Variants in RSRC1 observed in about 807,000 individuals in gnomAD.
The protein encoded by RSRC1 is serine/Arginine-related protein 53.
RSRC1 carries 39 observed loss-of-function variants against 49.1 expected under a neutral mutation model. That is an observed-to-expected ratio of 0.79 (90% CI 0.61 to 1.04). RSRC1 has a LOEUF of 1.04. Ranked by LOEUF, RSRC1 falls within the 50% of genes least tolerant of loss-of-function variation. The probability of loss-of-function intolerance (pLI) is 0.00; values close to 1 mark genes in which losing one functional copy is unlikely to be tolerated. For synonymous variants in RSRC1, 143 were observed against 130.8 expected, an observed-to-expected ratio of 1.09 and a Z score of -0.63; for missense variants, 388 against 402.4, an observed-to-expected ratio of 0.96 and a Z score of 0.31.
At position 158,319,851 on chromosome 3, in the gene RSRC1, T is replaced by G. The variant is rs141692897; in HGVS notation, c.531+21776T>G. On this transcript the variant is annotated intron_variant, in intron 5 of 9. Coordinates refer to ENST00000611884, the MANE Select transcript of RSRC1 (RefSeq NM_001271838.2). ...GGTTTTTTAAGGAAAAGTATCTCTA[T>G]TCTATGAATTACCTGATCAGACAAC... Among the ~76,000 whole-genome samples the G allele has an allele frequency of 2.1e-3, 315 of 152,322 alleles. 2 individuals carry two copies. Among genetic ancestry groups the G allele is most frequent in the African/African-American group, 7.1e-3 (296 of 41,590 alleles).
At chr3:158,542,972 T>C (rs996490676) in intron 8 of RSRC1, among the ~76,000 whole-genome samples, 2 of 152,164 alleles carry the variant, frequency 1.3e-5, no homozygotes, top group Non-Finnish European at 2.9e-5. Context: ...TATATTTCAA[T>C]AGTATAGGCA....
chr3:158,535,512 A>G (rs1478911617), intron 7 of RSRC1, among the ~76,000 whole-genome samples: 1 of 95,956 alleles, frequency 1.0e-5, no homozygotes, highest in Non-Finnish European at 2.2e-5. Flanking sequence ...AGCATTGACA[A>G]TTCAGTAACA....
At chr3:158,241,981 G>A (rs1195054852) in intron 4 of RSRC1, among the ~76,000 whole-genome samples, 1 of 111,128 alleles carries the variant, frequency 9.0e-6, no homozygotes, top group Non-Finnish European at 1.8e-5. Context: ...TGATATGAAT[G>A]TTTCTATCAT....
At chr3:158,133,803 A>T (rs1354222901) in intron 3 of RSRC1, among the ~76,000 whole-genome samples, 1 of 152,216 alleles carries the variant, frequency 6.6e-6, no homozygotes, top group Non-Finnish European at 1.5e-5. Flanking sequence ...CAGTCTGGGG[A>T]ATAGAATGGA....
chr3:158,344,220 T>C (rs1730422271), intron 5 of RSRC1, among the ~76,000 whole-genome samples: 1 of 152,078 alleles, frequency 6.6e-6, no homozygotes, highest in African/African-American at 2.4e-5. Flanking sequence ...GATAGTGCCA[T>C]TGCACTTCAG....
intron 5 of RSRC1, among the ~76,000 whole-genome samples, chr3:158,301,155 C>T (rs1332222842): frequency 1.3e-5 from 2 of 152,014 alleles, no homozygotes; most frequent in Non-Finnish European, 2.9e-5. Context: ...TCATTCTCCT[C>T]AGCTTAATTT....
intron 3 of RSRC1, among the ~76,000 whole-genome samples, chr3:158,189,718 G>A (rs864859): frequency 0.58 from 87,871 of 151,658 alleles, 25,754 homozygotes; most frequent in East Asian, 0.73. Context: ...GTATTATTTA[G>A]TCCATTTATA....
chr3:158,415,396 T>C (rs376399478), intron 6 of RSRC1, among the ~76,000 whole-genome samples: 2 of 152,078 alleles, frequency 1.3e-5, no homozygotes, highest in East Asian at 3.9e-4. Flanking sequence ...GTACTGTTAC[T>C]GTTTGCCTTT....
intron 6 of RSRC1, among the ~76,000 whole-genome samples, chr3:158,384,010 A>G (rs1455335148): frequency 6.6e-6 from 1 of 152,080 alleles, no homozygotes; most frequent in Non-Finnish European, 1.5e-5. Flanking sequence ...ATTATATTTT[A>G]TATATTTTAG....
At chr3:158,199,416 T>C (rs547754930) in intron 3 of RSRC1, among the ~76,000 whole-genome samples, 1 of 152,162 alleles carries the variant, frequency 6.6e-6, no homozygotes, top group African/African-American at 2.4e-5. Flanking sequence ...TTGTATTTGC[T>C]CTTTTTCTTT....
At position 158,111,300 on chromosome 3, in the gene RSRC1, T is replaced by C. The variant is rs138569969; in HGVS notation, c.-3+1077T>C. Among the ~76,000 whole-genome samples, 33 of 152,350 alleles carry C rather than the reference T, an allele frequency of 2.2e-4. 1 individual carries two copies. In the East Asian group the frequency reaches 3.3e-3, roughly 15 times the overall value. ...TCATGCTAAGTGATATAACACTTTA[T>C]GTTTTTCAATAAGAGGGCTAAAAAT... On this transcript the variant is annotated intron_variant, in intron 1 of 9. Coordinates refer to ENST00000611884, the MANE Select transcript of RSRC1 (RefSeq NM_001271838.2).
At chr3:158,341,119 G>A (rs1730211873) in intron 5 of RSRC1, among the ~76,000 whole-genome samples, 1 of 152,082 alleles carries the variant, frequency 6.6e-6, no homozygotes, top group African/African-American at 2.4e-5. Flanking sequence ...GAGAAACAGA[G>A]CATAAAAGTT....
rs1729979947 is a variant in RSRC1, at chr3:158,337,452, C to T, written c.532-17405C>T. 2.6e-5 allele frequency among the ~76,000 whole-genome samples: 4 copies of T among 152,194 alleles called. No individual in the cohort carries two copies. The South Asian group carries it at 8.3e-4, about 32-fold the overall frequency. ...GCTGCTCTGAAATGCTGTGTGGGCG[C>T]ATGGCCCTTGCTTCTTAATGCTGAG... On this transcript the variant is annotated intron_variant, in intron 5 of 9. Transcript: ENST00000611884.
At chr3:158,305,928 CTT>C (rs1284985170) in intron 5 of RSRC1, among the ~76,000 whole-genome samples, 1 of 151,880 alleles carries the variant, frequency 6.6e-6, no homozygotes, top group East Asian at 1.9e-4. Flanking sequence ...AAGCATAAGA[CTT>C]TTTAAAGTAT....
intron 3 of RSRC1, among the ~76,000 whole-genome samples, chr3:158,170,623 C>T (rs964520235): frequency 6.6e-6 from 1 of 152,062 alleles, no homozygotes; most frequent in Non-Finnish European, 1.5e-5. Context: ...ATTTTTATTT[C>T]CTCTTTGCTG....
intron 5 of RSRC1, among the ~76,000 whole-genome samples, chr3:158,335,949 G>A (rs1729857620): frequency 6.6e-6 from 1 of 152,168 alleles, no homozygotes; most frequent in African/African-American, 2.4e-5. Context: ...TATTCTTGAG[G>A]CCTCTAGATT....
intron 6 of RSRC1, among the ~76,000 whole-genome samples, chr3:158,453,327 G>T (rs1737148799): frequency 6.6e-6 from 1 of 151,268 alleles, no homozygotes; most frequent in African/African-American, 2.4e-5. Context: ...CTTGATGCAG[G>T]GTATATGTAT....
intron 1 of RSRC1, among the ~76,000 whole-genome samples, chr3:158,118,972 C>T (rs1715061796): frequency 6.6e-6 from 1 of 151,298 alleles, no homozygotes; most frequent in East Asian, 1.9e-4. Context: ...TGATTATAGA[C>T]TTTAACTTAA....
intron 5 of RSRC1, among the ~76,000 whole-genome samples, chr3:158,353,016 T>A (rs1244659182): frequency 1.9e-4 from 29 of 152,360 alleles, no homozygotes; most frequent in Non-Finnish European, 4.4e-5. Context: ...CGTGCTTACA[T>A]ACATTTTCCC....
Sources: gnomAD v4.1 joint callset for allele counts (sites outside exome capture counted in the v4.1 genomes callset) on GRCh38, gnomAD v4.1.1 for gene constraint, MANE v1.5 for transcripts, NCBI Gene and HGNC (gene_info 2026-07-23, HGNC 2026-07-21) for gene names.